NECTIN3: variants seen among roughly 807,000 people sequenced by gnomAD.
NECTIN3 encodes the protein nectin cell adhesion molecule 3.
In NECTIN3, 8 loss-of-function variants were observed where a neutral mutation model predicts 49.4. The ratio of observed to expected loss-of-function variants is 0.16; its 90% CI spans 0.10 to 0.29. The LOEUF (loss-of-function observed/expected upper bound fraction) is 0.29, where lower values mean the gene tolerates loss of function less well. NECTIN3 is among the 10% of genes least tolerant of loss of function. The pLI, the probability that NECTIN3 is intolerant of heterozygous loss-of-function variation, is 1.00. For missense variants in NECTIN3, 581 were observed against 654.6 expected (o/e 0.89, Z 1.23); for synonymous variants, 277 against 241.1 (o/e 1.15, Z -1.38).
chr3:111,150,149 C>T (rs560629249), intron 7 of NECTIN3, among the ~76,000 whole-genome samples: 18 of 151,878 alleles, frequency 1.2e-4, no homozygotes, highest in Non-Finnish European at 1.8e-4. Context: ...CAGGAGATTC[C>T]GTGAAATGGA....
At chr3:111,180,084 A>T (rs1348713065) in intron 7 of NECTIN3, among the ~76,000 whole-genome samples, 1 of 152,176 alleles carries the variant, frequency 6.6e-6, no homozygotes, top group Non-Finnish European at 1.5e-5. Flanking sequence ...ATTCACAGAG[A>T]ATACTTCATA....
At position 111,120,251 on chromosome 3, in the gene NECTIN3, T is replaced by A. The variant is rs1351708289; in HGVS notation, c.799+1299T>A. On this transcript the variant is annotated intron_variant, in intron 3 of 5. Coordinates refer to ENST00000485303, the MANE Select transcript of NECTIN3 (RefSeq NM_015480.3). ...ACTGATATTTTCAATTTGTTTTTTT[T>A]TGTTTGCTTGAATGAAATCTTAGAT... Among the ~76,000 whole-genome samples, 3 of 152,202 alleles carry A rather than the reference T, an allele frequency of 2.0e-5. No homozygotes were observed. In the East Asian group the frequency reaches 5.8e-4, roughly 29 times the overall value.
chr3:111,129,191 A>G (rs1201132118), intron 5 of NECTIN3, among the ~76,000 whole-genome samples: 1 of 139,646 alleles, frequency 7.2e-6, no homozygotes, highest in African/African-American at 3.3e-5. Flanking sequence ...TAAGGCCTTC[A>G]CCTTCACCTT....
chr3:111,160,431 G>A (rs955748620), intron 7 of NECTIN3, among the ~76,000 whole-genome samples: 1 of 151,926 alleles, frequency 6.6e-6, no homozygotes, highest in Non-Finnish European at 1.5e-5. Context: ...CTGAACTGAT[G>A]TGAAAAATGG....
downstream of NECTIN3, among the ~76,000 whole-genome samples, chr3:111,142,458 G>C (rs1234116392): frequency 6.6e-6 from 1 of 151,744 alleles, no homozygotes; most frequent in East Asian, 1.9e-4. Context: ...GAAGTGTTGT[G>C]ATATAGTCAA....
intron 1 of NECTIN3, among the ~76,000 whole-genome samples, chr3:111,100,632 G>A (rs778798554): frequency 6.6e-6 from 1 of 151,936 alleles, no homozygotes; most frequent in Non-Finnish European, 1.5e-5. Context: ...TATAATTTTT[G>A]TGATATTTTT....
intron 2 of NECTIN3, among the ~76,000 whole-genome samples, chr3:111,116,927 A>G (rs1052800185): frequency 2.0e-5 from 3 of 152,046 alleles, no homozygotes; most frequent in Admixed American, 6.6e-5. Context: ...TACTGTGGAA[A>G]GGTTTTTGAA....
chr3:111,152,445 G>A (rs2035019492), intron 7 of NECTIN3, among the ~76,000 whole-genome samples: 1 of 151,950 alleles, frequency 6.6e-6, no homozygotes, highest in East Asian at 1.9e-4. Flanking sequence ...GGAATGGCAT[G>A]TACATATGAT....
intron 1 of NECTIN3, among the ~76,000 whole-genome samples, chr3:111,089,818 T>A (rs1001300673): frequency 6.6e-6 from 1 of 151,046 alleles, no homozygotes; most frequent in African/African-American, 2.4e-5. Context: ...CCCTTTCTGA[T>A]TTTTTTTTGC....
intron 7 of NECTIN3, among the ~76,000 whole-genome samples, chr3:111,171,331 AC>A (rs1389372056): frequency 6.6e-6 from 1 of 152,178 alleles, no homozygotes; most frequent in Non-Finnish European, 1.5e-5. Flanking sequence ...TCATGAGTGA[AC>A]CCTTGGGGGA....
At chr3:111,172,346 G>A (rs954650500) in intron 7 of NECTIN3, among the ~76,000 whole-genome samples, 4 of 152,222 alleles carry the variant, frequency 2.6e-5, no homozygotes, top group East Asian at 1.9e-4. Flanking sequence ...ACTATGTTAA[G>A]ATATATATGA....
In NECTIN3 at chr3:111,136,371, GTGTT is replaced by G. The variant is rs983131904; in HGVS notation, c.*2163_*2166del. 7.1e-6 allele frequency: 7 copies of G among 984,400 alleles called. No homozygotes were observed. The highest frequency in any genetic ancestry group is 4.7e-5 in the South Asian group (1 of 21,286). The allele number at this position is 984,400 out of a possible 1,614,324, so 61.0% of individuals were successfully genotyped here. On this transcript the variant is annotated 3_prime_UTR_variant, in exon 6 of 6. Coordinates refer to ENST00000485303, the MANE Select transcript of NECTIN3 (RefSeq NM_015480.3). ...TTAGGTTTTTTTGTTTGTTTCTTTTGTGTTTGTTTGGCGGGAGAGGGTGACCTGG... is the reference window on the plus strand; with the variant it reads ...TTAGGTTTTTTTGTTTGTTTCTTTTGTGTTTGGCGGGAGAGGGTGACCTGG...
chr3:111,150,705 G>A (rs1482258501), intron 7 of NECTIN3, among the ~76,000 whole-genome samples: 13 of 151,326 alleles, frequency 8.6e-5, no homozygotes, highest in South Asian at 4.2e-4. Context: ...ATGTATTTGC[G>A]TGAAGCTTTT....
downstream of NECTIN3, among the ~76,000 whole-genome samples, chr3:111,140,945 T>C (rs1385353363): frequency 6.6e-6 from 1 of 151,970 alleles, no homozygotes; most frequent in African/African-American, 2.4e-5. Flanking sequence ...ATTTCTATAC[T>C]TCCTGGATGA....
chr3:111,171,232 C>T (rs1263472605), intron 7 of NECTIN3, among the ~76,000 whole-genome samples: 1 of 152,166 alleles, frequency 6.6e-6, no homozygotes, highest in African/African-American at 2.4e-5. Context: ...TGCAGTCTAG[C>T]TCAAGAGCCT....
intron 6 of NECTIN3, among the ~76,000 whole-genome samples, chr3:111,146,322 T>A (rs897016759): frequency 6.7e-6 from 1 of 150,200 alleles, no homozygotes; most frequent in Non-Finnish European, 1.5e-5. Context: ...TAGTCCCAGC[T>A]ACTTGGGAGG....
At chr3:111,185,538 A>G (rs1488051178) in intron 7 of NECTIN3, among the ~76,000 whole-genome samples, 1 of 152,230 alleles carries the variant, frequency 6.6e-6, no homozygotes, top group Non-Finnish European at 1.5e-5. Context: ...CAGTATAAGG[A>G]AGAAGCATTA....
chr3:111,174,426 G>T (rs1285891842), intron 7 of NECTIN3, among the ~76,000 whole-genome samples: 2 of 151,930 alleles, frequency 1.3e-5, no homozygotes, highest in Non-Finnish European at 2.9e-5. Flanking sequence ...TTGACCGTGG[G>T]GTTCTGTACC....
chr3:111,160,614 AT>A (rs563550517), intron 7 of NECTIN3, among the ~76,000 whole-genome samples: 59 of 152,034 alleles, frequency 3.9e-4, no homozygotes, highest in Non-Finnish European at 5.9e-4. Context: ...CACTGTATAG[AT>A]TTTTTTTCTT....
Sources: allele counts gnomAD v4.1 joint callset (sites outside exome capture counted in the v4.1 genomes callset), GRCh38; gene constraint gnomAD v4.1.1; transcripts MANE v1.5; gene names NCBI Gene and HGNC (gene_info 2026-07-23, HGNC 2026-07-21).